Variants in CFDP1 observed in about 807,000 individuals in gnomAD.
The protein encoded by CFDP1 is heterochromatin-stabilizing protein CFDP1.
A neutral mutation model predicts 40.1 loss-of-function variants in CFDP1; 31 were observed. The observed-to-expected ratio is 0.77, with a 90% confidence interval of 0.58 to 1.04. The LOEUF is 1.04. Among genes scored for constraint, CFDP1 ranks in the 50% least tolerant of loss-of-function variants. The probability of loss-of-function intolerance (pLI) is 0.00; values close to 1 mark genes in which losing one functional copy is unlikely to be tolerated. For missense variants in CFDP1, 423 were observed against 343.4 expected (o/e 1.23, Z -1.83); for synonymous variants, 167 against 120.0 (o/e 1.39, Z -2.56).
chr16:75,405,623 G>A (rs568995192), intron 4 of CFDP1, among the ~76,000 whole-genome samples: 4 of 151,894 alleles, frequency 2.6e-5, no homozygotes, highest in South Asian at 2.1e-4. Flanking sequence ...ATGGTGGTGC[G>A]TGCCTGTAGT....
Position 75,395,219 on chromosome 16 carries a change from G to A in CFDP1, c.531-10C>T, listed in dbSNP as rs747036023. 1 of 1,610,536 alleles carries A rather than the reference G, an allele frequency of 6.2e-7. No homozygotes were observed. The highest frequency in any genetic ancestry group is 1.1e-5 in the South Asian group (1 of 90,732). ...CACTTCCTTAGTTACCCTGTGCCAA[G>A]GAAAAAGACATCAAGCTTACAAGAA... On this transcript the variant is annotated splice_polypyrimidine_tract_variant and intron_variant, in intron 4 of 6. Transcript: ENST00000283882.
intron 4 of CFDP1, among the ~76,000 whole-genome samples, chr16:75,410,691 G>A (rs1220896623): frequency 1.3e-5 from 2 of 149,952 alleles, no homozygotes; most frequent in African/African-American, 2.5e-5. Context: ...GGCGGATCAC[G>A]AGGTCAGGAG....
intron 4 of CFDP1, among the ~76,000 whole-genome samples, chr16:75,401,050 C>T (rs999935771): frequency 3.3e-5 from 5 of 152,260 alleles, no homozygotes; most frequent in Non-Finnish European, 5.9e-5. Context: ...AATCCCAGCA[C>T]TTTGGGAGGC....
chr16:75,395,303 C>G, intron 4 of CFDP1, 94 bp from the exon 5 acceptor site: 1 of 1,306,700 alleles, frequency 7.7e-7, no homozygotes, highest in Admixed American at 2.2e-5. Context: ...AAAAGATCCA[C>G]TCGGCTTCCA....
intron 5 of CFDP1, among the ~76,000 whole-genome samples, chr16:75,325,236 C>T (rs1221649839): frequency 6.6e-6 from 1 of 152,208 alleles, no homozygotes; most frequent in African/African-American, 2.4e-5. Flanking sequence ...TGGGGGACAA[C>T]ATCTGTCCAG....
At chr16:75,411,172 C>T (rs1052199009) in intron 4 of CFDP1, among the ~76,000 whole-genome samples, 20 of 151,994 alleles carry the variant, frequency 1.3e-4, no homozygotes, top group African/African-American at 3.4e-4. Context: ...GAGCCGAGAT[C>T]GCACCCTGTA....
chr16:75,334,315 A>C (rs1327944841), intron 5 of CFDP1, among the ~76,000 whole-genome samples: 1 of 151,916 alleles, frequency 6.6e-6, no homozygotes, highest in Non-Finnish European at 1.5e-5. Context: ...TTAAAACAAC[A>C]GACGGGTAAA....
chr16:75,417,027 G>C (rs1325516456), intron 1 of CFDP1, among the ~76,000 whole-genome samples: 1 of 152,024 alleles, frequency 6.6e-6, no homozygotes, highest in African/African-American at 2.4e-5. Context: ...TTAAACATTA[G>C]CCAGGCATGG....
At chr16:75,323,562 C>T (rs916159209) in intron 5 of CFDP1, among the ~76,000 whole-genome samples, 11 of 151,980 alleles carry the variant, frequency 7.2e-5, no homozygotes, top group Non-Finnish European at 1.6e-4. Context: ...AGGTGGATCA[C>T]CTGAGGCCAG....
chr16:75,376,045 T>A lies in CFDP1; in HGVS notation c.650+19045A>T, dbSNP rs115293518. 4.1e-3 allele frequency among the ~76,000 whole-genome samples: 624 copies of A among 151,970 alleles called. 5 individuals are homozygous for A. The highest frequency in any genetic ancestry group is 0.013 in the African/African-American group (559 of 41,476). ...CTGCAACATGGGGAGACCCCATCTC[T>A]ACAAAAAAATTAAAAATTAGCCAGA... On this transcript the variant is annotated intron_variant, in intron 5 of 6. Coordinates refer to ENST00000283882, the MANE Select transcript of CFDP1 (RefSeq NM_006324.3).
intron 5 of CFDP1, among the ~76,000 whole-genome samples, chr16:75,393,737 CAAAAAAAAAAAAAAA>C (rs61344775): frequency 2.5e-5 from 2 of 80,620 alleles, no homozygotes; most frequent in African/African-American, 1.2e-4. Flanking sequence ...GACTCCGTCG[CAAAAAAAAAAAAAAA>C]AAAAAAAAAA....
intron 5 of CFDP1, among the ~76,000 whole-genome samples, chr16:75,368,931 G>T (rs1220992329): frequency 6.6e-6 from 1 of 152,060 alleles, no homozygotes; most frequent in Non-Finnish European, 1.5e-5. Flanking sequence ...GTGGGTATCA[G>T]TACTTTCCTT....
At chr16:75,319,878 T>C (rs2078349966) in intron 5 of CFDP1, among the ~76,000 whole-genome samples, 1 of 152,206 alleles carries the variant, frequency 6.6e-6, no homozygotes, top group Admixed American at 6.5e-5. Context: ...GGCAATACAA[T>C]GGATTTCAAC....
intron 5 of CFDP1, among the ~76,000 whole-genome samples, chr16:75,312,732 C>G (rs1314395812): frequency 1.3e-5 from 2 of 152,174 alleles, no homozygotes; most frequent in African/African-American, 4.8e-5. Flanking sequence ...GGCCTCTCAG[C>G]TGACTGTCAG....
intron 5 of CFDP1, among the ~76,000 whole-genome samples, chr16:75,331,392 C>G (rs2078444989): frequency 6.6e-6 from 1 of 152,174 alleles, no homozygotes; most frequent in Non-Finnish European, 1.5e-5. Context: ...GCTGGGATTA[C>G]AGGCGTAAAC....
chr16:75,422,487 C>T lies in CFDP1; in HGVS notation c.65-7792G>A, dbSNP rs180710836. ...TGATCTTGGCTCACTACGATCCTCCCGGGTTCAAGTGATTCTCCTGCCTCA... is the reference window on the plus strand; with the variant it reads ...TGATCTTGGCTCACTACGATCCTCCTGGGTTCAAGTGATTCTCCTGCCTCA... On this transcript the variant is annotated intron_variant, in intron 1 of 6. Coordinates refer to ENST00000283882, the MANE Select transcript of CFDP1 (RefSeq NM_006324.3). Among the ~76,000 whole-genome samples the T allele has an allele frequency of 1.9e-3, 289 of 151,232 alleles. 1 individual carries two copies. Among genetic ancestry groups the T allele is most frequent in the Admixed American group, 2.8e-3 (42 of 15,136 alleles).
chr16:75,385,402 G>A (rs1027989527), intron 5 of CFDP1, among the ~76,000 whole-genome samples: 4 of 152,008 alleles, frequency 2.6e-5, no homozygotes, highest in African/African-American at 4.8e-5. Context: ...TTTAAGTGGT[G>A]GGACTACAGG....
chr16:75,366,860 C>G (rs930674154), intron 5 of CFDP1, among the ~76,000 whole-genome samples: 1 of 151,844 alleles, frequency 6.6e-6, no homozygotes, highest in Non-Finnish European at 1.5e-5. Context: ...ATGAAAGTTA[C>G]CACTTTAAAA....
intron 5 of CFDP1, among the ~76,000 whole-genome samples, chr16:75,323,105 CTG>C (rs544486080): frequency 9.2e-4 from 140 of 152,022 alleles, no homozygotes; most frequent in African/African-American, 3.1e-3. Context: ...AACTTTTTGA[CTG>C]TTTTTTAGTA....
Sources: allele counts gnomAD v4.1 joint callset (sites outside exome capture counted in the v4.1 genomes callset), GRCh38; gene constraint gnomAD v4.1.1; transcripts MANE v1.5; gene names NCBI Gene and HGNC (gene_info 2026-07-23, HGNC 2026-07-21).